Variants in NRXN1 observed in about 807,000 individuals in gnomAD.
NRXN1 encodes neurexin-1.
Under a neutral mutation model 150.9 loss-of-function variants are expected in NRXN1, and 39 were observed. The ratio of observed to expected loss-of-function variants is 0.26; its 90% CI spans 0.20 to 0.34. The LOEUF is 0.34. Among genes scored for constraint, NRXN1 ranks in the 10% least tolerant of loss-of-function variants. The pLI, the probability that NRXN1 is intolerant of heterozygous loss-of-function variation, is 1.00. For missense variants in NRXN1, 1,815 were observed against 1,949.9 expected (o/e 0.93, Z 1.30); for synonymous variants, 924 against 757.0 (o/e 1.22, Z -3.62).
At chr2:50,193,373 G>C (rs1387461139) in intron 18 of NRXN1, among the ~76,000 whole-genome samples, 1 of 152,054 alleles carries the variant, frequency 6.6e-6, no homozygotes, top group Non-Finnish European at 1.5e-5. Flanking sequence ...CACATCTTAT[G>C]ATTTCTTTTT....
At chr2:50,826,602 T>G (rs1276829101) in intron 5 of NRXN1, among the ~76,000 whole-genome samples, 1 of 152,146 alleles carries the variant, frequency 6.6e-6, no homozygotes, top group South Asian at 2.1e-4. Context: ...TGATTATGTA[T>G]GTTTGTGTTT....
intron 9 of NRXN1, among the ~76,000 whole-genome samples, chr2:50,545,317 G>A (rs1449208535): frequency 6.6e-6 from 1 of 152,058 alleles, no homozygotes; most frequent in Admixed American, 6.5e-5. Flanking sequence ...CACAATGGAA[G>A]GTTGTAAATA....
intron 5 of NRXN1, among the ~76,000 whole-genome samples, chr2:50,821,582 G>A (rs910137025): frequency 1.3e-5 from 2 of 152,176 alleles, no homozygotes; most frequent in Admixed American, 1.3e-4. Flanking sequence ...CCATAGAAGT[G>A]CAAGCTGTTA....
rs115158403 is a variant in NRXN1 at position 50,973,035 on chromosome 2, T to C, written c.773-47080A>G. ...TCCACATGGCAATCTGTACTGGGTA[T>C]CTTTGTCATGGTGTCTTCCGTGTCT... On this transcript the variant is annotated intron_variant, in intron 2 of 22. Transcript: ENST00000401669. Among the ~76,000 whole-genome samples the C allele has an allele frequency of 2.7e-3, 416 of 152,338 alleles. 2 individuals carry two copies. The highest frequency in any genetic ancestry group is 9.3e-3 in the African/African-American group (385 of 41,580).
intron 19 of NRXN1, among the ~76,000 whole-genome samples, chr2:50,086,856 C>T (rs1573833053): frequency 7.0e-6 from 1 of 142,918 alleles, no homozygotes; most frequent in East Asian, 2.0e-4. Context: ...GAGAGCGAGC[C>T]GAAAATGCGG....
chr2:50,512,209 T>G (rs942885772), intron 12 of NRXN1, among the ~76,000 whole-genome samples: 4 of 152,168 alleles, frequency 2.6e-5, no homozygotes, highest in Admixed American at 2.6e-4. Flanking sequence ...GCTTTTTATT[T>G]TTATTATTAC....
chr2:50,086,845 AG>A (rs1698851292), intron 19 of NRXN1, among the ~76,000 whole-genome samples: 1 of 150,820 alleles, frequency 6.6e-6, no homozygotes, highest in Non-Finnish European at 1.5e-5. Flanking sequence ...AGAGAGAGAG[AG>A]AGAGCGAGCC....
intron 17 of NRXN1, among the ~76,000 whole-genome samples, chr2:50,446,413 T>C (rs2086407090): frequency 7.6e-6 from 1 of 131,492 alleles, no homozygotes; most frequent in Non-Finnish European, 1.6e-5. Flanking sequence ...TGCCCCTTCC[T>C]TCCTTCCCTC....
chr2:50,547,298 AAAAT>A (rs34901935), intron 9 of NRXN1, among the ~76,000 whole-genome samples: 4 of 150,924 alleles, frequency 2.7e-5, no homozygotes, highest in South Asian at 2.1e-4. Flanking sequence ...GATGGTTTAC[AAAAT>A]AAATAAATAA....
At chr2:50,821,481 G>A (rs1669709470) in intron 5 of NRXN1, among the ~76,000 whole-genome samples, 1 of 152,084 alleles carries the variant, frequency 6.6e-6, no homozygotes, top group Non-Finnish European at 1.5e-5. Context: ...CTGCAAAATG[G>A]AAATAAGAAT....
At chr2:50,973,289 C>T (rs986249067) in intron 2 of NRXN1, among the ~76,000 whole-genome samples, 9 of 152,138 alleles carry the variant, frequency 5.9e-5, no homozygotes, top group Non-Finnish European at 2.9e-5. Context: ...CTGGCAAACA[C>T]TGGTCACAGA....
At chr2:51,020,280 T>C (rs1368139494) in intron 2 of NRXN1, among the ~76,000 whole-genome samples, 1 of 151,716 alleles carries the variant, frequency 6.6e-6, no homozygotes, top group African/African-American at 2.4e-5. Flanking sequence ...AACAGAATTA[T>C]ATCGTATGCA....
intron 5 of NRXN1, among the ~76,000 whole-genome samples, chr2:50,645,969 A>G (rs17040916): frequency 0.035 from 5,332 of 151,974 alleles, 303 homozygotes; most frequent in African/African-American, 0.12. Flanking sequence ...TGCCTTGAGA[A>G]CAGATACTCA....
At chr2:49,945,925 A>C (rs1324967368) in intron 21 of NRXN1, among the ~76,000 whole-genome samples, 9 of 152,130 alleles carry the variant, frequency 5.9e-5, no homozygotes, top group Admixed American at 5.9e-4. Flanking sequence ...GCTGGGTCAA[A>C]TGGTATTTCT....
intron 15 of NRXN1, among the ~76,000 whole-genome samples, chr2:50,474,394 G>A (rs1275846921): frequency 6.6e-6 from 1 of 151,820 alleles, no homozygotes; most frequent in Non-Finnish European, 1.5e-5. Flanking sequence ...AAAGTTGGAA[G>A]AACCTAGTTG....
At chr2:50,674,085 C>T (rs1242494272) in intron 5 of NRXN1, among the ~76,000 whole-genome samples, 1 of 151,808 alleles carries the variant, frequency 6.6e-6, no homozygotes, top group Non-Finnish European at 1.5e-5. Context: ...TACCCCAGAA[C>T]TTAAAGTATA....
intron 19 of NRXN1, among the ~76,000 whole-genome samples, chr2:50,064,766 G>C (rs1198042052): frequency 2.0e-5 from 3 of 152,108 alleles, no homozygotes; most frequent in Admixed American, 6.6e-5. Flanking sequence ...TCAATGCCTT[G>C]TAAAGAAAGC....
intron 21 of NRXN1, among the ~76,000 whole-genome samples, chr2:50,052,598 A>G (rs1692899789): frequency 6.6e-6 from 1 of 152,176 alleles, no homozygotes; most frequent in Non-Finnish European, 1.5e-5. Context: ...GCCACATTTA[A>G]AAATCATATT....
chr2:50,464,907 T>G (rs2088654318), intron 17 of NRXN1, among the ~76,000 whole-genome samples: 1 of 151,848 alleles, frequency 6.6e-6, no homozygotes, highest in Admixed American at 6.6e-5. Flanking sequence ...TTGTAATACT[T>G]AGTTAAAGGA....
Sources: gnomAD v4.1 joint callset for allele counts (sites outside exome capture counted in the v4.1 genomes callset) on GRCh38, gnomAD v4.1.1 for gene constraint, MANE v1.5 for transcripts, NCBI Gene and HGNC (gene_info 2026-07-23, HGNC 2026-07-21) for gene names.